Variants in KIF2A observed in about 807,000 individuals in gnomAD.
KIF2A encodes the protein kinesin-like protein KIF2A.
A neutral mutation model predicts 100.2 loss-of-function variants in KIF2A; 22 were observed. The observed-to-expected ratio is 0.22, with a 90% CI of 0.16 to 0.31. KIF2A has a LOEUF of 0.31. Among genes scored for constraint, KIF2A ranks in the 10% least tolerant of loss-of-function variants. KIF2A has a pLI of 1.00. For missense variants in KIF2A, 495 were observed against 898.7 expected (o/e 0.55, Z 5.74); for synonymous variants, 268 against 285.9 (o/e 0.94, Z 0.63).
chr5:62,323,703 G>A (rs959434018), intron 1 of KIF2A, among the ~76,000 whole-genome samples: 1 of 152,050 alleles, frequency 6.6e-6, no homozygotes, highest in South Asian at 2.1e-4. Context: ...AATGTAGGGG[G>A]TTATCATCTA....
intron 7 of KIF2A, 23 bp downstream of exon 7, chr5:62,355,277 A>T (rs762695316): frequency 1.7e-6 from 2 of 1,186,472 alleles, no homozygotes; most frequent in Admixed American, 1.9e-5. Context: ...GTAAACCATT[A>T]TTCTGGAACT....
intron 1 of KIF2A, among the ~76,000 whole-genome samples, chr5:62,332,253 A>G (rs1746691774): frequency 6.6e-6 from 1 of 152,246 alleles, no homozygotes; most frequent in African/African-American, 2.4e-5. Context: ...TAACTATCTT[A>G]AAGATTAGAA....
intron 14 of KIF2A, 39 bp downstream of exon 14, chr5:62,363,938 T>C: frequency 6.7e-7 from 1 of 1,492,992 alleles, no homozygotes; most frequent in Non-Finnish European, 9.1e-7. Context: ...GTCTTTTACT[T>C]TTGACTTTAA....
chr5:62,362,800 C>A (rs915426050), intron 12 of KIF2A, among the ~76,000 whole-genome samples: 3 of 152,038 alleles, frequency 2.0e-5, no homozygotes, highest in Non-Finnish European at 4.4e-5. Flanking sequence ...TGAAATAATT[C>A]TTAAACTCTG....
chr5:62,338,276 T>C (rs1210223723), intron 1 of KIF2A, among the ~76,000 whole-genome samples: 1 of 152,134 alleles, frequency 6.6e-6, no homozygotes, highest in East Asian at 1.9e-4. Context: ...AGGTCCCAAA[T>C]ATGAAAGGTT....
At chr5:62,363,468 A>T in intron 13 of KIF2A, 148 bp downstream of exon 13, 1 of 768,400 alleles carries the variant, frequency 1.3e-6, no homozygotes, top group Non-Finnish European at 2.1e-6. Context: ...TGTGAGTGAC[A>T]ATTATTATAT....
chr5:62,318,686 C>G (rs897867822), intron 1 of KIF2A, among the ~76,000 whole-genome samples: 2 of 152,024 alleles, frequency 1.3e-5, no homozygotes, highest in Non-Finnish European at 1.5e-5. Context: ...GCTTCTTTCC[C>G]CATTCTCTTT....
intron 1 of KIF2A, among the ~76,000 whole-genome samples, chr5:62,335,535 C>T (rs756568991): frequency 6.6e-6 from 1 of 152,104 alleles, no homozygotes; most frequent in Non-Finnish European, 1.5e-5. Flanking sequence ...TGGAGGAGCT[C>T]AAGGGAGGGT....
chr5:62,314,580 T>C (rs1384141534), intron 1 of KIF2A, among the ~76,000 whole-genome samples: 2 of 152,116 alleles, frequency 1.3e-5, no homozygotes, highest in African/African-American at 4.8e-5. Context: ...CCGGGAACTG[T>C]AAGAATCAGG....
chr5:62,318,805 C>T (rs1443522376), intron 1 of KIF2A, among the ~76,000 whole-genome samples: 2 of 152,184 alleles, frequency 1.3e-5, no homozygotes, highest in Non-Finnish European at 2.9e-5. Flanking sequence ...TGGCTACAGA[C>T]ATGTACTGTT....
Position 62,356,297 on chromosome 5 carries a change from G to T in KIF2A, c.654+1043G>T, listed in dbSNP as rs189314294. 2.4e-3 allele frequency among the ~76,000 whole-genome samples: 370 copies of T among 152,284 alleles called. 2 individuals are homozygous for T. The highest frequency in any genetic ancestry group is 3.6e-3 in the Non-Finnish European group (248 of 68,022). The stretch of plus-strand genomic sequence containing the variant: ...CATGTGTTTCACTTACTGCATTAGA[G>T]CTCACCCTTTAGGACAGGAATTGGC... On this transcript the variant is annotated intron_variant, in intron 7 of 20. Coordinates refer to ENST00000407818, the MANE Select transcript of KIF2A (RefSeq NM_001098511.3).
intron 19 of KIF2A, among the ~76,000 whole-genome samples, chr5:62,379,156 AG>A (rs1254435437): frequency 6.6e-6 from 1 of 152,168 alleles, no homozygotes; most frequent in Non-Finnish European, 1.5e-5. Context: ...TTTTGGAACA[AG>A]GTATCCTATA....
In KIF2A at chr5:62,344,346, C is replaced by CAA. The variant is rs56737603; in HGVS notation, c.65-2770_65-2769dup. ...CTGGTGACAGAGCGCGACTCCATCT[C>CAA]AAAAAAAAAAAAAAATGCAGATACC... On this transcript the variant is annotated intron_variant, in intron 1 of 20. Transcript: ENST00000407818. Among the ~76,000 whole-genome samples, 107 of 116,550 alleles carry CAA rather than the reference C, an allele frequency of 9.2e-4. 1 individual carries two copies. The highest frequency in any genetic ancestry group is 7.8e-3 in the East Asian group (34 of 4,344). The allele number at this position is 116,550 out of a possible 152,430, so 76.5% of individuals were successfully genotyped here. A position where few individuals can be genotyped will look rare whatever the true frequency, so the allele number is the denominator to read the frequency against.
At chr5:62,359,237 A>T (rs559482612) in intron 9 of KIF2A, among the ~76,000 whole-genome samples, 1 of 152,284 alleles carries the variant, frequency 6.6e-6, no homozygotes, top group African/African-American at 2.4e-5. Flanking sequence ...ATTTCTAATA[A>T]TTATAACACC....
chr5:62,352,013 G>A (rs1403448626), intron 4 of KIF2A, among the ~76,000 whole-genome samples: 2 of 152,090 alleles, frequency 1.3e-5, no homozygotes, highest in Non-Finnish European at 2.9e-5. Context: ...AATGAGCCAG[G>A]TGTAGTGGCG....
At position 62,353,391 on chromosome 5, in the gene KIF2A, ATATAT is replaced by A. The variant is rs767133148; in HGVS notation, c.558+18_558+22del. On this transcript the variant is annotated intron_variant, in intron 6 of 20. Coordinates refer to ENST00000407818, the MANE Select transcript of KIF2A (RefSeq NM_001098511.3). ...AAGAGCCCAGGTTCGTAACATAAAC[ATATAT>A]TTTGTTTATGTACCAACCAGAGATT... 2 of 1,382,424 alleles carry A rather than the reference ATATAT, an allele frequency of 1.4e-6. No individual in the cohort carries two copies. The highest frequency in any genetic ancestry group is 5.1e-5 in the Admixed American group (2 of 39,242). The allele number at this position is 1,382,424 out of a possible 1,614,324, so 85.6% of individuals were successfully genotyped here.
intron 1 of KIF2A, among the ~76,000 whole-genome samples, chr5:62,328,974 C>T (rs1388485441): frequency 6.6e-6 from 1 of 152,156 alleles, no homozygotes; most frequent in African/African-American, 2.4e-5. Flanking sequence ...CCTATAGAAA[C>T]TGAGCACTAT....
At chr5:62,328,595 G>A (rs1248974618) in intron 1 of KIF2A, among the ~76,000 whole-genome samples, 1 of 152,076 alleles carries the variant, frequency 6.6e-6, no homozygotes, top group Non-Finnish European at 1.5e-5. Context: ...GGGTTCAAGT[G>A]ATTCTCCTGC....
intron 2 of KIF2A, among the ~76,000 whole-genome samples, chr5:62,347,706 G>T (rs1747644833): frequency 6.6e-6 from 1 of 151,862 alleles, no homozygotes; most frequent in Non-Finnish European, 1.5e-5. Flanking sequence ...GCTTACTGCA[G>T]CCTTGACCTC....
Sources: allele counts gnomAD v4.1 joint callset (sites outside exome capture counted in the v4.1 genomes callset), GRCh38; gene constraint gnomAD v4.1.1; transcripts MANE v1.5; gene names NCBI Gene and HGNC (gene_info 2026-07-23, HGNC 2026-07-21).